TRIM11: variants seen among roughly 807,000 people sequenced by gnomAD.
TRIM11 encodes the protein E3 ubiquitin-protein ligase TRIM11.
Under a neutral mutation model 33.4 loss-of-function variants are expected in TRIM11, and 15 were observed. The observed-to-expected ratio is 0.45, with a 90% CI of 0.30 to 0.69. The LOEUF (loss-of-function observed/expected upper bound fraction) is 0.69, where lower values mean the gene tolerates loss of function less well. Ranked by LOEUF, TRIM11 falls within the 30% of genes least tolerant of loss-of-function variation. The probability of loss-of-function intolerance (pLI) is 0.08; values close to 1 mark genes in which losing one functional copy is unlikely to be tolerated. For synonymous variants in TRIM11, 281 were observed against 302.6 expected (o/e 0.93, Z 0.74); for missense variants, 499 against 667.6 (o/e 0.75, Z 2.78).
At chr1:228,405,969 T>C (rs1656395731) in intron 1 of TRIM11, 185 bp downstream of exon 1, 1 of 599,090 alleles carries the variant, frequency 1.7e-6, no homozygotes, top group Non-Finnish European at 2.5e-6. Context: ...GGCTGTGTCA[T>C]GAGCCCCCAC....
At chr1:228,404,277 C>T (rs1380747701) in intron 1 of TRIM11, 1 of 152,344 alleles carries the variant, frequency 6.6e-6, no homozygotes, top group Non-Finnish European at 1.5e-5. Context: ...CTTCCTGGAA[C>T]TGGAGCTTAC....
Position 228,406,576 on chromosome 1 carries a change from G to A in TRIM11, c.-15C>T, listed in dbSNP as rs775906930. The A allele has an allele frequency of 1.3e-6, 2 of 1,494,090 alleles. No homozygotes were observed. The highest frequency in any genetic ancestry group is 1.8e-6 in the Non-Finnish European group (2 of 1,118,566). 92.6% of individuals were successfully genotyped at this position (1,494,090 alleles called of 1,614,324 possible). The stretch of plus-strand genomic sequence containing the variant: ...GGGGCGGCCATGGCGCGGACAGAGG[G>A]GAGGAAGGCGGTACTGTCCGCGGGG... On this transcript the variant is annotated 5_prime_UTR_variant, in exon 1 of 6. Transcript: ENST00000284551. This position sits in a 1 kb window ranked among gnomAD's most constrained non-coding sequence, Gnocchi z 8.2.
rs555936485 is a variant in TRIM11 at position 228,400,368 on chromosome 1, G to A, written c.735+596C>T. ...CTGACTCCAGGCCCCCTGACCTGCCGCCAGGCCACAGGCCAGGGCGTCCAC... is the reference window on the plus strand; with the variant it reads ...CTGACTCCAGGCCCCCTGACCTGCCACCAGGCCACAGGCCAGGGCGTCCAC... On this transcript the variant is annotated intron_variant, in intron 3 of 5. Coordinates refer to ENST00000284551, the MANE Select transcript of TRIM11 (RefSeq NM_145214.3). This position sits in a 1 kb window ranked among gnomAD's most constrained non-coding sequence, Gnocchi z 4.5. Among the ~76,000 whole-genome samples the A allele has an allele frequency of 7.2e-5, 11 of 152,322 alleles. No homozygotes were observed. The highest frequency in any genetic ancestry group is 3.9e-4 in the East Asian group (2 of 5,180).
At chr1:228,397,295 C>T in intron 3 of TRIM11, 130 bp from the exon 4 acceptor site, 1 of 1,104,564 alleles carries the variant, frequency 9.1e-7, no homozygotes, top group Non-Finnish European at 1.3e-6. Context: ...CAAAAACACA[C>T]ACAGGGGGCC....
chr1:228,397,241 G>A (rs1023468545), intron 3 of TRIM11, 76 bp from the exon 4 acceptor site: 2 of 1,544,696 alleles, frequency 1.3e-6, no homozygotes, highest in African/African-American at 2.7e-5. Context: ...CCCGCCCCTG[G>A]AGCCTCGCCC....
chr1:228,395,519 T>G lies in TRIM11; in HGVS notation c.860-267A>C. 5.0e-6 allele frequency: 1 copy of G among 199,346 alleles called. No individual in the cohort carries two copies. The highest frequency in any genetic ancestry group is 9.9e-6 in the Non-Finnish European group (1 of 101,166). The allele number at this position is 199,346 out of a possible 1,614,324, so 12.3% of individuals were successfully genotyped here. On this transcript the variant is annotated intron_variant, in intron 5 of 5. Transcript: ENST00000284551. This position sits in a 1 kb window ranked among gnomAD's most constrained non-coding sequence, Gnocchi z 4.8. The stretch of plus-strand genomic sequence containing the variant: ...ATATCAAGAGGGAATCTTGGTTGCT[T>G]TTTTTTTTTTTTTTAAAGAGGCAGG...
In TRIM11 at chr1:228,400,682, T is replaced by C. The variant is rs745988237; in HGVS notation, c.735+282A>G. 1.3e-5 allele frequency among the ~76,000 whole-genome samples: 2 copies of C among 152,136 alleles called. No individual in the cohort carries two copies. Among genetic ancestry groups the C allele is most frequent in the Non-Finnish European group, 2.9e-5 (2 of 68,020 alleles). ...AGCAGCAGTGTCAGTCAGGACGAGA[T>C]GGAGTGACCTTATGTAATCACTTAA... On this transcript the variant is annotated intron_variant, in intron 3 of 5. Coordinates refer to ENST00000284551, the MANE Select transcript of TRIM11 (RefSeq NM_145214.3). This position sits in a 1 kb window ranked among gnomAD's most constrained non-coding sequence, Gnocchi z 4.5.
rs1332492428 is a variant in TRIM11 at position 228,406,298 on chromosome 1, C to G, written c.264G>C (p.Pro88=). 6.8e-7 allele frequency: 1 copy of G among 1,476,814 alleles called. No homozygotes were observed. The highest frequency in any genetic ancestry group is 1.5e-5 in the African/African-American group (1 of 68,060). 91.5% of individuals were successfully genotyped at this position (1,476,814 alleles called of 1,614,324 possible). A position where few individuals can be genotyped will look rare whatever the true frequency, so the allele number is the denominator to read the frequency against. The change falls in exon 1 of 6, where the codon CCG becomes CCC. Residue 88 remains proline (P), a synonymous_variant. Transcript: ENST00000284551. The surrounding 1 kb of genome is among the most constrained non-coding windows in gnomAD (Gnocchi z 8.2). ...ARRLHPPSPV[P]QGVCPAHREP... ...CGCGGTGCGCGGGGCACACGCCCTGCGGGACCGGCGACGGCGGGTGCAGGC... is the reference window on the plus strand; with the variant it reads ...CGCGGTGCGCGGGGCACACGCCCTGGGGGACCGGCGACGGCGGGTGCAGGC...
chr1:228,401,917 GT>G lies in TRIM11; in HGVS notation c.504+148del, dbSNP rs1191635093. ...CACGTGGGAAAGGACCAGCCCTTCA[GT>G]GGGCTCGGTGGGGCCAGGCTGAAGC... On this transcript the variant is annotated intron_variant, in intron 2 of 5. Transcript: ENST00000284551. This position sits in a 1 kb window ranked among gnomAD's most constrained non-coding sequence, Gnocchi z 6.1. 1 of 527,024 alleles carries G rather than the reference GT, an allele frequency of 1.9e-6. No homozygotes were observed. The highest frequency in any genetic ancestry group is 2.0e-5 in the African/African-American group (1 of 50,374). 32.6% of individuals were successfully genotyped at this position (527,024 alleles called of 1,614,324 possible).
At chr1:228,397,627 A>G (rs1191465205) in intron 3 of TRIM11, 2 of 168,314 alleles carry the variant, frequency 1.2e-5, no homozygotes, top group African/African-American at 4.8e-5. Flanking sequence ...GCTCAGCCCC[A>G]CTCTTGGGCG....
rs1386493860 is a variant in TRIM11 at position 228,406,815 on chromosome 1, G to A, written c.-254C>T. ...GCGGGACGTAGGGATCCCGGATGCC[G>A]GCAGGAAGAGGAGCCGAGGCGGAAG... On this transcript the variant is annotated 5_prime_UTR_variant, in exon 1 of 6. Transcript: ENST00000284551. The surrounding 1 kb of genome is among the most constrained non-coding windows in gnomAD (Gnocchi z 8.2). The A allele has an allele frequency of 6.2e-6, 2 of 322,256 alleles. No individual in the cohort carries two copies. The highest frequency in any genetic ancestry group is 5.1e-5 in the Admixed American group (1 of 19,786). 20.0% of individuals were successfully genotyped at this position (322,256 alleles called of 1,614,324 possible).
intron 1 of TRIM11, chr1:228,404,047 A>T (rs1656317338): frequency 6.6e-6 from 1 of 152,268 alleles, no homozygotes; most frequent in Non-Finnish European, 1.5e-5. Context: ...CATGGCAAAG[A>T]TCTTGCATTT....
Position 228,395,068 on chromosome 1 carries a change from A to G in TRIM11, c.1044T>C (p.Val348=). 6.2e-7 allele frequency: 1 copy of G among 1,610,464 alleles called. No individual in the cohort carries two copies. Among genetic ancestry groups the G allele is most frequent in the Non-Finnish European group, 8.5e-7 (1 of 1,178,230 alleles). ...CCAGGGCCCAGCTGGTGCGGTCCCC[A>G]ACCTCCACCTCCCAGTAGTGGCGGC... ...TSGRHYWEVE[V]GDRTSWALGV... The change falls in exon 6 of 6, where the codon GTT becomes GTC. Residue 348 remains valine (V), a synonymous_variant. Coordinates refer to ENST00000284551, the MANE Select transcript of TRIM11 (RefSeq NM_145214.3). This position sits in a 1 kb window ranked among gnomAD's most constrained non-coding sequence, Gnocchi z 4.8.
In TRIM11 at chr1:228,394,586, G is replaced by A. The variant is rs2074960940; in HGVS notation, c.*119C>T. 8.7e-7 allele frequency: 1 copy of A among 1,149,392 alleles called. No homozygotes were observed. The allele number at this position is 1,149,392 out of a possible 1,614,324, so 71.2% of individuals were successfully genotyped here. A position where few individuals can be genotyped will look rare whatever the true frequency, so the allele number is the denominator to read the frequency against. On this transcript the variant is annotated 3_prime_UTR_variant, in exon 6 of 6. Coordinates refer to ENST00000284551, the MANE Select transcript of TRIM11 (RefSeq NM_145214.3). The surrounding 1 kb of genome is among the most constrained non-coding windows in gnomAD (Gnocchi z 6.2). ...CCCACGCAGGCTCAGAAAGGCACCAGGAGTTCCTCCTCTTGCTCAAAGGAC... is the reference window on the plus strand; with the variant it reads ...CCCACGCAGGCTCAGAAAGGCACCAAGAGTTCCTCCTCTTGCTCAAAGGAC...
In TRIM11 at chr1:228,406,529, C is replaced by T; in HGVS notation, c.33G>A (p.Gln11=). 6.4e-7 allele frequency: 1 copy of T among 1,571,152 alleles called. No homozygotes were observed. The highest frequency in any genetic ancestry group is 8.6e-7 in the Non-Finnish European group (1 of 1,158,758). Residue 11 remains glutamine, a synonymous_variant, in exon 1 of 6, where the codon CAG becomes CAA. Coordinates refer to ENST00000284551, the MANE Select transcript of TRIM11 (RefSeq NM_145214.3). This position sits in a 1 kb window ranked among gnomAD's most constrained non-coding sequence, Gnocchi z 8.2. MAAPDLSTNL[Q]EEATCAICLD... is the part of the protein sequence containing the mutation. ...GGCAGATGGCGCAGGTGGCCTCCTCCTGGAGGTTGGTGGACAGGTCGGGGG... is the reference window on the plus strand; with the variant it reads ...GGCAGATGGCGCAGGTGGCCTCCTCTTGGAGGTTGGTGGACAGGTCGGGGG...
rs571795721 is a variant in TRIM11, at chr1:228,403,813, C to T, written c.409-1652G>A. Reference sequence around the variant, plus strand: ...GGGATTACAGGTGCCCATCACCACACCCAGCTAATTTTTGTATTTTTTGTA... The same window carrying T: ...GGGATTACAGGTGCCCATCACCACATCCAGCTAATTTTTGTATTTTTTGTA... On this transcript the variant is annotated intron_variant, in intron 1 of 5. Coordinates refer to ENST00000284551, the MANE Select transcript of TRIM11 (RefSeq NM_145214.3). This position sits in a 1 kb window ranked among gnomAD's most constrained non-coding sequence, Gnocchi z 4.8. 1 of 152,394 alleles carries T rather than the reference C, an allele frequency of 6.6e-6. No homozygotes were observed. Among genetic ancestry groups the T allele is most frequent in the African/African-American group, 2.4e-5 (1 of 41,574 alleles). 9.4% of individuals were successfully genotyped at this position (152,394 alleles called of 1,614,324 possible).
chr1:228,406,345 T>C lies in TRIM11; in HGVS notation c.217A>G (p.Lys73Glu). 1.3e-6 allele frequency: 2 copies of C among 1,488,510 alleles called. No individual in the cohort carries two copies. Among genetic ancestry groups the C allele is most frequent in the Admixed American group, 2.2e-5 (1 of 45,402 alleles). 92.2% of individuals were successfully genotyped at this position (1,488,510 alleles called of 1,614,324 possible). ...AGGCGCCGCGCCATCTCGGCCATCTTAGCAAGCGGGCGGTTGGGCCGCAGG... is the reference window on the plus strand; with the variant it reads ...AGGCGCCGCGCCATCTCGGCCATCTCAGCAAGCGGGCGGTTGGGCCGCAGG... ...RNLRPNRPLA[K>E]MAEMARRLHP... The change falls in exon 1 of 6, where the codon AAG (lysine) becomes GAG (glutamate). Residue 73 changes from lysine to glutamate, a missense_variant. Physicochemically the swap from Lys to Glu is moderately conservative, Grantham distance 56. Transcript: ENST00000284551. The surrounding 1 kb of genome is among the most constrained non-coding windows in gnomAD (Gnocchi z 8.2).
Position 228,394,883 on chromosome 1 carries a change from T to C in TRIM11, c.1229A>G (p.Tyr410Cys). The C allele has an allele frequency of 6.2e-7, 1 of 1,614,052 alleles. No individual in the cohort carries two copies. Among genetic ancestry groups the C allele is most frequent in the East Asian group, 2.2e-5 (1 of 44,844 alleles). ...GTAGAAAGAGAGATGTCCAGCCTCG[T>C]AGTCCAGAAAGATCCCCACGCGCCT... ...PPRRVGIFLD[Y>C]EAGHLSFYSA... The change falls in exon 6 of 6, where the codon TAC becomes TGC. Residue 410 changes from tyrosine to cysteine, a missense_variant. Tyr to Cys is a radical substitution (Grantham distance 194). Transcript: ENST00000284551. This position sits in a 1 kb window ranked among gnomAD's most constrained non-coding sequence, Gnocchi z 6.2.
intron 3 of TRIM11, 156 bp from the exon 4 acceptor site, chr1:228,397,321 C>A: frequency 2.5e-6 from 2 of 785,574 alleles, no homozygotes; most frequent in African/African-American, 1.7e-5. Flanking sequence ...CCACCCGCAG[C>A]AAGGCTCAGA....
Sources: allele counts gnomAD v4.1 joint callset (sites outside exome capture counted in the v4.1 genomes callset), GRCh38; gene constraint gnomAD v4.1.1; non-coding constraint Gnocchi (gnomAD v3.1); transcripts MANE v1.5; gene names NCBI Gene and HGNC (gene_info 2026-07-23, HGNC 2026-07-21).